Variants in XRN1 observed in about 807,000 individuals in gnomAD.
The protein encoded by XRN1 is strand-exchange protein 1 homolog.
Under a neutral mutation model 222.3 loss-of-function variants are expected in XRN1, and 67 were observed. That is an observed-to-expected ratio of 0.30 (90% CI 0.25 to 0.37). XRN1 has a LOEUF of 0.37. Among genes scored for constraint, XRN1 ranks in the 10% least tolerant of loss-of-function variants. The probability of loss-of-function intolerance (pLI) is 1.00; values close to 1 mark genes in which losing one functional copy is unlikely to be tolerated. For synonymous variants in XRN1, 643 were observed against 652.4 expected (o/e 0.99, Z 0.22); for missense variants, 1,707 against 2,000.2 (o/e 0.85, Z 2.80).
In XRN1 at chr3:142,311,807, T is replaced by C. The variant is rs780492417; in HGVS notation, c.4789A>G (p.Lys1597Glu). ...TTCTTTTTGTTTGCAACCCTTTTTTTAGTAACCTGTTAGGAATAAAAGCAT... is the reference window on the plus strand; with the variant it reads ...TTCTTTTTGTTTGCAACCCTTTTTTCAGTAACCTGTTAGGAATAAAAGCAT... ...HNQFIPLQVTKKRVANKKNFE... is the reference protein window; with the variant it reads ...HNQFIPLQVTEKRVANKKNFE... Residue 1597 changes from lysine (K) to glutamate (E), a missense_variant, in exon 41 of 41, where the codon AAA (lysine) becomes GAA (glutamate). Physicochemically the swap from Lys to Glu is moderately conservative, Grantham distance 56. Around this residue, in one of 2 missense-constraint regions of XRN1, gnomAD observed 473 missense variants for 482.0 expected, o/e 0.98. Coordinates refer to ENST00000392981, the MANE Select transcript of XRN1 (RefSeq NM_001282857.2). 14 of 1,586,424 alleles carry C rather than the reference T, an allele frequency of 8.8e-6. No homozygotes were observed. The highest frequency in any genetic ancestry group is 1.9e-5 in the Admixed American group (1 of 53,466).
At chr3:142,425,660 A>G in intron 3 of XRN1, 122 bp from the exon 4 acceptor site, 1 of 740,832 alleles carries the variant, frequency 1.3e-6, no homozygotes, top group Non-Finnish European at 2.2e-6. Flanking sequence ...GGATCTCCAA[A>G]GAAGGTCAAA....
At chr3:142,419,058 C>CT (rs1283429746) in intron 10 of XRN1, among the ~76,000 whole-genome samples, 177 bp from the exon 11 acceptor site, 1 of 152,174 alleles carries the variant, frequency 6.6e-6, no homozygotes, top group African/African-American at 2.4e-5. Flanking sequence ...CCTCTATTCT[C>CT]TGATTTCCTG....
At chr3:142,410,291 T>C (rs2068513286) in intron 15 of XRN1, among the ~76,000 whole-genome samples, 1 of 152,152 alleles carries the variant, frequency 6.6e-6, no homozygotes, top group Non-Finnish European at 1.5e-5. Flanking sequence ...TATCCTTGTT[T>C]GTTGAACATT....
chr3:142,327,320 A>T (rs1336311231), intron 37 of XRN1, among the ~76,000 whole-genome samples: 1 of 151,962 alleles, frequency 6.6e-6, no homozygotes, highest in East Asian at 1.9e-4. Context: ...TTCATGGTTC[A>T]ATCTTGGTAT....
At chr3:142,425,399 T>A (rs202148716) in intron 4 of XRN1, 30 bp downstream of exon 4, 99 of 1,579,460 alleles carry the variant, frequency 6.3e-5, no homozygotes, top group Middle Eastern at 1.7e-4. Flanking sequence ...ATACTTTTTT[T>A]AAACTCTTTA....
At chr3:142,362,448 T>C (rs1485151023) in intron 29 of XRN1, among the ~76,000 whole-genome samples, 1 of 152,028 alleles carries the variant, frequency 6.6e-6, no homozygotes, top group Non-Finnish European at 1.5e-5. Flanking sequence ...AATTTTTGTA[T>C]TTTTAGTAGA....
At chr3:142,315,141 G>A (rs1197028825) in intron 39 of XRN1, among the ~76,000 whole-genome samples, 1 of 151,692 alleles carries the variant, frequency 6.6e-6, no homozygotes, top group Non-Finnish European at 1.5e-5. Flanking sequence ...TCCCTATGTT[G>A]CCTAGGCTGG....
At chr3:142,432,627 A>C (rs2069682178) in intron 2 of XRN1, 34 bp downstream of exon 2, 1 of 1,485,794 alleles carries the variant, frequency 6.7e-7, no homozygotes, top group Non-Finnish European at 9.1e-7. Flanking sequence ...TACTAAGCTA[A>C]ATAATATTCC....
Position 142,307,385 on chromosome 3 carries a change from T to C in XRN1, c.*4126A>G, listed in dbSNP as rs1435436569. The C allele has an allele frequency of 1.3e-5, 2 of 152,194 alleles. No homozygotes were observed. Among genetic ancestry groups the C allele is most frequent in the Non-Finnish European group, 2.9e-5 (2 of 68,034 alleles). 9.4% of individuals were successfully genotyped at this position (152,194 alleles called of 1,614,324 possible). On this transcript the variant is annotated 3_prime_UTR_variant, in exon 41 of 41. Coordinates refer to ENST00000392981, the MANE Select transcript of XRN1 (RefSeq NM_001282857.2). ...GCTGGAGGGAAAAAAAAAAAGACTT[T>C]TTACAGGTTTAACTTTGTAAAAAAA...
chr3:142,397,275 T>A, intron 20 of XRN1, 54 bp downstream of exon 20: 1 of 1,471,978 alleles, frequency 6.8e-7, no homozygotes, highest in East Asian at 2.4e-5. Context: ...AGAGAATGAG[T>A]ACATTAAAAC....
intron 39 of XRN1, among the ~76,000 whole-genome samples, chr3:142,315,253 T>C (rs2065181736): frequency 6.6e-6 from 1 of 151,920 alleles, no homozygotes; most frequent in Non-Finnish European, 1.5e-5. Flanking sequence ...TCAAAGCCCA[T>C]GCTTTTGTTA....
At chr3:142,314,904 CAAAAAAAAAAAAAAAA>C (rs776430519) in intron 39 of XRN1, among the ~76,000 whole-genome samples, 1 of 22,300 alleles carries the variant, frequency 4.5e-5, no homozygotes, top group Non-Finnish European at 9.4e-5. Context: ...GACTCTGTCT[CAAAAAAAAAAAAAAAA>C]AAAAAAAAAA....
chr3:142,405,005 A>G lies in XRN1; in HGVS notation c.1785T>C (p.His595=). Residue 595 remains histidine, a synonymous_variant, in exon 16 of 41, where the codon CAT becomes CAC. Coordinates refer to ENST00000392981, the MANE Select transcript of XRN1 (RefSeq NM_001282857.2). The part of the protein sequence containing the change: ...LKKEERKRNQ[H]SECLMCWYDR... ...CATACCAGCACATTAGGCACTCACT[A>G]TGTTGGTTTCTTTTCCTCTCTTCCT... The G allele has an allele frequency of 1.2e-6, 2 of 1,613,884 alleles. No individual in the cohort carries two copies. The highest frequency in any genetic ancestry group is 8.5e-7 in the Non-Finnish European group (1 of 1,179,828).
chr3:142,336,448 G>C (rs2065853749), intron 33 of XRN1, among the ~76,000 whole-genome samples: 1 of 151,524 alleles, frequency 6.6e-6, no homozygotes, highest in Non-Finnish European at 1.5e-5. Flanking sequence ...AGGAAGGAAG[G>C]AAGGGAAGGG....
chr3:142,382,396 C>T (rs1325587031), intron 22 of XRN1, among the ~76,000 whole-genome samples: 1 of 152,124 alleles, frequency 6.6e-6, no homozygotes, highest in Non-Finnish European at 1.5e-5. Flanking sequence ...TTTTTACTGT[C>T]ACTACGGAAT....
intron 2 of XRN1, among the ~76,000 whole-genome samples, chr3:142,429,201 G>C (rs553914141): frequency 5.6e-5 from 8 of 143,190 alleles, no homozygotes; most frequent in East Asian, 4.1e-4. Flanking sequence ...AGGCTGGAGT[G>C]CAGTGGTGTG....
intron 15 of XRN1, among the ~76,000 whole-genome samples, chr3:142,408,032 G>A (rs2068413803): frequency 6.6e-6 from 1 of 152,110 alleles, no homozygotes; most frequent in African/African-American, 2.4e-5. Context: ...GTTTCTTCAG[G>A]TCATATATGG....
At chr3:142,409,565 G>A (rs1271600323) in intron 15 of XRN1, among the ~76,000 whole-genome samples, 1 of 152,130 alleles carries the variant, frequency 6.6e-6, no homozygotes, top group Non-Finnish European at 1.5e-5. Context: ...CTTGATTAAT[G>A]TGGCTTCATG....
chr3:142,332,269 C>T, intron 36 of XRN1, 106 bp downstream of exon 36: 1 of 920,882 alleles, frequency 1.1e-6, no homozygotes, highest in Non-Finnish European at 1.6e-6. Flanking sequence ...TAAATAAATA[C>T]ATTAAAATAA....
Sources: gnomAD v4.1 joint callset for allele counts (sites outside exome capture counted in the v4.1 genomes callset) on GRCh38, gnomAD v4.1.1 for gene constraint, gnomAD v4.1.1 regional missense constraint, MANE v1.5 for transcripts, NCBI Gene and HGNC (gene_info 2026-07-23, HGNC 2026-07-21) for gene names.